TAF4B: variants seen among roughly 807,000 people sequenced by gnomAD.
TAF4B encodes TATA-box binding protein associated factor 4b.
A neutral mutation model predicts 86.4 loss-of-function variants in TAF4B; 38 were observed. The ratio of observed to expected loss-of-function variants is 0.44; its 90% CI spans 0.34 to 0.58. The LOEUF is 0.58. Ranked by LOEUF, TAF4B falls within the 20% of genes least tolerant of loss-of-function variation. The probability of loss-of-function intolerance (pLI) is 0.02; values close to 1 mark genes in which losing one functional copy is unlikely to be tolerated. For missense variants in TAF4B, 988 were observed against 1,027.6 expected, an observed-to-expected ratio of 0.96 and a Z score of 0.53; for synonymous variants, 388 against 391.2, an observed-to-expected ratio of 0.99 and a Z score of 0.10.
intron 2 of TAF4B, 64 bp from the exon 3 acceptor site, chr18:26,267,452 A>G: frequency 9.6e-7 from 1 of 1,042,400 alleles, no homozygotes; most frequent in South Asian, 1.3e-5. Flanking sequence ...TGTTCACTGC[A>G]GTACTGATCT....
chr18:26,379,632 T>A (rs2057464777), intron 14 of TAF4B, among the ~76,000 whole-genome samples: 1 of 152,098 alleles, frequency 6.6e-6, no homozygotes, highest in Non-Finnish European at 1.5e-5. Context: ...TGTTCCAGCT[T>A]TGTCCTTTTT....
chr18:26,241,305 A>G (rs1282455032), intron 1 of TAF4B, among the ~76,000 whole-genome samples: 2 of 152,122 alleles, frequency 1.3e-5, no homozygotes, highest in African/African-American at 4.8e-5. Context: ...TTCCTGGTTT[A>G]GTCTTGGGAG....
chr18:26,354,103 T>C (rs1032038077), intron 13 of TAF4B, among the ~76,000 whole-genome samples: 1 of 152,216 alleles, frequency 6.6e-6, no homozygotes, highest in African/African-American at 2.4e-5. Flanking sequence ...TGAGATAGAA[T>C]CTCACTCTGT....
chr18:26,352,508 A>G (rs2057253792), intron 13 of TAF4B, among the ~76,000 whole-genome samples: 1 of 152,118 alleles, frequency 6.6e-6, no homozygotes, highest in South Asian at 2.1e-4. Flanking sequence ...AACATCGAGA[A>G]CTTTTCATAA....
intron 1 of TAF4B, among the ~76,000 whole-genome samples, chr18:26,264,241 C>A (rs1372804370): frequency 6.6e-6 from 1 of 152,134 alleles, no homozygotes; most frequent in South Asian, 2.1e-4. Flanking sequence ...GGATTTGAGA[C>A]CAGCCTGGCC....
At chr18:26,323,912 A>G (rs891241909) in intron 11 of TAF4B, among the ~76,000 whole-genome samples, 15 of 152,200 alleles carry the variant, frequency 9.9e-5, no homozygotes, top group African/African-American at 3.6e-4. Context: ...TACATTTAAA[A>G]TGTAATTACT....
intron 7 of TAF4B, among the ~76,000 whole-genome samples, chr18:26,290,219 A>G (rs1230216439): frequency 2.0e-5 from 3 of 152,146 alleles, no homozygotes; most frequent in African/African-American, 7.2e-5. Context: ...GGTTCACTGC[A>G]GCCTCGATCT....
At chr18:26,285,216 T>G (rs1241471435) in intron 6 of TAF4B, among the ~76,000 whole-genome samples, 1 of 100,282 alleles carries the variant, frequency 1.0e-5, no homozygotes, top group Non-Finnish European at 2.0e-5. Flanking sequence ...TTTCCTTTTT[T>G]TTTTTGTTTT....
intron 9 of TAF4B, among the ~76,000 whole-genome samples, chr18:26,305,231 T>C (rs190235701): frequency 1.2e-3 from 183 of 152,318 alleles, no homozygotes; most frequent in African/African-American, 4.1e-3. Context: ...TAATTCTTGA[T>C]TTTATTTTTG....
chr18:26,245,053 A>G (rs569064635), intron 1 of TAF4B, among the ~76,000 whole-genome samples: 1 of 150,880 alleles, frequency 6.6e-6, no homozygotes, highest in East Asian at 2.0e-4. Flanking sequence ...TCCGAACTCC[A>G]AAGAGTCTGG....
chr18:26,303,890 CT>C (rs889816274), intron 9 of TAF4B, among the ~76,000 whole-genome samples: 1 of 151,856 alleles, frequency 6.6e-6, no homozygotes, highest in African/African-American at 2.4e-5. Context: ...TTATATATAC[CT>C]TTTTAAACAT....
At chr18:26,342,481 T>C (rs910024148) in intron 13 of TAF4B, among the ~76,000 whole-genome samples, 25 of 152,220 alleles carry the variant, frequency 1.6e-4, no homozygotes, top group Non-Finnish European at 2.9e-4. Context: ...TCAATAGTTT[T>C]TAATTTTCCT....
intron 13 of TAF4B, among the ~76,000 whole-genome samples, chr18:26,340,364 T>A (rs924099706): frequency 6.6e-6 from 1 of 152,238 alleles, no homozygotes; most frequent in African/African-American, 2.4e-5. Context: ...ATGCAAGTTC[T>A]ACATGGCCAA....
At chr18:26,319,930 A>AT (rs1439984096) in intron 10 of TAF4B, among the ~76,000 whole-genome samples, 3 of 151,970 alleles carry the variant, frequency 2.0e-5, no homozygotes, top group Admixed American at 6.6e-5. Flanking sequence ...ACTTTGTAGA[A>AT]TTTTTTTCCC....
chr18:26,387,758 T>A (rs72881897), intron 14 of TAF4B, among the ~76,000 whole-genome samples: 2 of 152,340 alleles, frequency 1.3e-5, no homozygotes, highest in Non-Finnish European at 2.9e-5. Flanking sequence ...ACGTGGACTT[T>A]CCAAAATTGT....
intron 1 of TAF4B, among the ~76,000 whole-genome samples, chr18:26,245,907 C>T (rs1292576540): frequency 2.6e-5 from 4 of 152,160 alleles, no homozygotes; most frequent in African/African-American, 9.7e-5. Flanking sequence ...ATACTGTTTG[C>T]ACTACTTTCT....
At chr18:26,336,713 C>T (rs898544300) in intron 13 of TAF4B, among the ~76,000 whole-genome samples, 3 of 152,280 alleles carry the variant, frequency 2.0e-5, no homozygotes, top group African/African-American at 7.2e-5. Flanking sequence ...GATGGGCAAC[C>T]TACTGTTGCT....
intron 6 of TAF4B, among the ~76,000 whole-genome samples, chr18:26,283,683 C>T (rs762982300): frequency 3.3e-5 from 5 of 152,266 alleles, no homozygotes; most frequent in East Asian, 3.9e-4. Context: ...TGAAGCCATG[C>T]GTTGACTTTT....
chr18:26,295,575 C>T (rs560241656), intron 9 of TAF4B, among the ~76,000 whole-genome samples: 4 of 152,306 alleles, frequency 2.6e-5, no homozygotes, highest in Non-Finnish European at 4.4e-5. Flanking sequence ...TGCTCGCTTG[C>T]GCACCTCTCA....
Sources: allele counts gnomAD v4.1 joint callset (sites outside exome capture counted in the v4.1 genomes callset), GRCh38; gene constraint gnomAD v4.1.1; transcripts MANE v1.5; gene names NCBI Gene and HGNC (gene_info 2026-07-23, HGNC 2026-07-21).